Variants in PDE1C observed in about 807,000 individuals in gnomAD.
The protein encoded by PDE1C is phosphodiesterase 1C.
PDE1C carries 62 observed loss-of-function variants against 93.1 expected under a neutral mutation model. The ratio of observed to expected loss-of-function variants is 0.67; its 90% CI spans 0.54 to 0.82. PDE1C has a LOEUF of 0.82. Among genes scored for constraint, PDE1C ranks in the 40% least tolerant of loss-of-function variants. The pLI, the probability that PDE1C is intolerant of heterozygous loss-of-function variation, is 0.00. For synonymous variants in PDE1C, 325 were observed against 310.1 expected, an observed-to-expected ratio of 1.05 and a Z score of -0.50; for missense variants, 742 against 884.6, an observed-to-expected ratio of 0.84 and a Z score of 2.04.
At chr7:32,082,583 CCTAA>C (rs1450558708) in intron 3 of PDE1C, among the ~76,000 whole-genome samples, 1 of 152,180 alleles carries the variant, frequency 6.6e-6, no homozygotes, top group East Asian at 1.9e-4. Context: ...CCCTGAGCAG[CCTAA>C]CTGGGAGGCA....
At chr7:31,709,191 C>G in the PDE1C span, among the ~76,000 whole-genome samples, 5 of 152,256 alleles carry the variant, frequency 3.3e-5, no homozygotes, top group East Asian at 1.9e-4. Context: ...ACTCTGAAAA[C>G]CTTCATCGTT....
At chr7:31,842,849 C>T (rs1386490716) in intron 9 of PDE1C, among the ~76,000 whole-genome samples, 1 of 151,550 alleles carries the variant, frequency 6.6e-6, no homozygotes, top group Non-Finnish European at 1.5e-5. Context: ...GAACTTTTTT[C>T]TTTCCTACTA....
chr7:31,725,146 A>G, the PDE1C span, among the ~76,000 whole-genome samples: 1 of 151,834 alleles, frequency 6.6e-6, no homozygotes, highest in Non-Finnish European at 1.5e-5. Flanking sequence ...CCACCTTGCC[A>G]CCCGCATCTC....
At chr7:31,884,235 C>T (rs1797609574) in intron 2 of PDE1C, among the ~76,000 whole-genome samples, 1 of 150,546 alleles carries the variant, frequency 6.6e-6, no homozygotes, top group Admixed American at 6.6e-5. Context: ...AGAGATGCAG[C>T]AATAAAGACA....
chr7:31,721,396 C>A, the PDE1C span, among the ~76,000 whole-genome samples: 2 of 152,194 alleles, frequency 1.3e-5, no homozygotes, highest in African/African-American at 4.8e-5. Context: ...ACTACTTGAG[C>A]ACTTGAAATG....
the PDE1C span, chr7:31,643,693 G>A: frequency 1.9e-6 from 3 of 1,613,902 alleles, no homozygotes; most frequent in Non-Finnish European, 1.7e-6. Flanking sequence ...CTTGACACAT[G>A]GGCCCCAGCC....
At chr7:32,359,362 C>T (rs215699) in intron 1 of PDE1C, among the ~76,000 whole-genome samples, 3 of 151,996 alleles carry the variant, frequency 2.0e-5, no homozygotes, top group African/African-American at 7.3e-5. Context: ...GTCTGGCTCT[C>T]GTTCTCCTTA....
intron 2 of PDE1C, among the ~76,000 whole-genome samples, chr7:31,900,736 T>C (rs1009096678): frequency 6.6e-6 from 1 of 151,892 alleles, no homozygotes; most frequent in Non-Finnish European, 1.5e-5. Flanking sequence ...ATTGACTTCT[T>C]GAGTATCCTA....
At chr7:32,234,451 C>G (rs1033946059) in intron 1 of PDE1C, among the ~76,000 whole-genome samples, 1 of 151,860 alleles carries the variant, frequency 6.6e-6, no homozygotes, top group African/African-American at 2.4e-5. Context: ...ACAGACCCTG[C>G]AGACATTGAA....
intron 2 of PDE1C, among the ~76,000 whole-genome samples, chr7:31,995,086 C>T (rs761167305): frequency 7.2e-5 from 11 of 152,164 alleles, no homozygotes; most frequent in Non-Finnish European, 1.6e-4. Context: ...AGCATCTTTG[C>T]TAGTTTCATA....
At chr7:31,773,290 C>T (rs532352762) in intron 17 of PDE1C, among the ~76,000 whole-genome samples, 13 of 152,182 alleles carry the variant, frequency 8.5e-5, no homozygotes, top group African/African-American at 3.1e-4. Context: ...CCTTTTGGGA[C>T]CACTTTGGAT....
At chr7:32,400,611 G>C (rs1021114457) in intron 1 of PDE1C, among the ~76,000 whole-genome samples, 5 of 152,210 alleles carry the variant, frequency 3.3e-5, no homozygotes, top group African/African-American at 1.2e-4. Flanking sequence ...TTCTCCTGGA[G>C]CTGGTGTTCC....
intron 3 of PDE1C, among the ~76,000 whole-genome samples, chr7:32,132,462 T>C (rs1190370274): frequency 6.6e-6 from 1 of 151,146 alleles, no homozygotes; most frequent in Non-Finnish European, 1.5e-5. Context: ...GAGTTCAAAA[T>C]CACCCTGGGC....
intron 2 of PDE1C, among the ~76,000 whole-genome samples, chr7:31,929,846 A>G (rs970597476): frequency 2.6e-5 from 4 of 152,218 alleles, no homozygotes; most frequent in African/African-American, 9.6e-5. Context: ...AAGATTTAAT[A>G]TCACAATTAA....
intron 2 of PDE1C, among the ~76,000 whole-genome samples, chr7:31,998,248 T>A (rs760410667): frequency 6.6e-6 from 1 of 152,148 alleles, no homozygotes; most frequent in African/African-American, 2.4e-5. Context: ...CTCGATCTCC[T>A]GACCTCGTGA....
At chr7:32,149,552 G>A (rs1164173870) in intron 3 of PDE1C, among the ~76,000 whole-genome samples, 1 of 152,218 alleles carries the variant, frequency 6.6e-6, no homozygotes, top group Non-Finnish European at 1.5e-5. Flanking sequence ...AATAACTTCA[G>A]TGTCCAGATA....
At chr7:31,919,000 A>G in intron 2 of PDE1C, among the ~76,000 whole-genome samples, 1 of 152,224 alleles carries the variant, frequency 6.6e-6, no homozygotes, top group Non-Finnish European at 1.5e-5. Flanking sequence ...GGTTACGTGC[A>G]AATAATAATA....
chr7:31,625,828 T>TAAA, the PDE1C span, among the ~76,000 whole-genome samples: 2,298 of 152,052 alleles, frequency 0.015, 22 homozygotes, highest in Non-Finnish European at 0.024. Context: ...TCTTTTTTTT[T>TAAA]AAATTTTTTC....
At chr7:32,086,108 C>T (rs1208774043) in intron 3 of PDE1C, among the ~76,000 whole-genome samples, 13 of 150,570 alleles carry the variant, frequency 8.6e-5, no homozygotes, top group East Asian at 1.9e-4. Context: ...GAAAACCCCA[C>T]TGTTTCAGCC....
Sources: allele counts gnomAD v4.1 joint callset (sites outside exome capture counted in the v4.1 genomes callset), GRCh38; gene constraint gnomAD v4.1.1; transcripts MANE v1.5; gene names NCBI Gene and HGNC (gene_info 2026-07-23, HGNC 2026-07-21).